The following NR2F1-AS1 variants were observed in gnomAD, a reference collection of about 807,000 sequenced individuals.
The protein encoded by NR2F1-AS1 is NR2F1 regulatory antisense RNA 1, also known as NR2F1 antisense RNA 1.
intron 4 of NR2F1-AS1, among the ~76,000 whole-genome samples, chr5:93,482,779 C>T (rs1357390642): frequency 1.3e-5 from 2 of 152,184 alleles, no homozygotes; most frequent in Non-Finnish European, 2.9e-5. Context: ...GAGGCGTCCA[C>T]CATTACTGAG....
chr5:93,572,333 A>T (rs769186700), intron 1 of NR2F1-AS1, among the ~76,000 whole-genome samples: 5 of 152,158 alleles, frequency 3.3e-5, no homozygotes, highest in Non-Finnish European at 7.4e-5. Context: ...GGGTCTCTCT[A>T]GTCAAGGAGG....
intron 4 of NR2F1-AS1, among the ~76,000 whole-genome samples, chr5:93,521,809 C>T (rs1211413574): frequency 6.6e-6 from 1 of 152,074 alleles, no homozygotes; most frequent in Non-Finnish European, 1.5e-5. Flanking sequence ...ATGGCGATTC[C>T]TCAAACAGCT....
intron 4 of NR2F1-AS1, among the ~76,000 whole-genome samples, chr5:93,425,719 T>C (rs1749181453): frequency 6.6e-6 from 1 of 152,188 alleles, no homozygotes. Flanking sequence ...CCCTGACACC[T>C]TCCCTCAAGG....
At chr5:93,444,483 T>C (rs1485096145) in intron 4 of NR2F1-AS1, among the ~76,000 whole-genome samples, 1 of 152,128 alleles carries the variant, frequency 6.6e-6, no homozygotes, top group East Asian at 1.9e-4. Context: ...AGGGATCAAT[T>C]CGACAAGAAG....
chr5:93,553,024 A>C (rs1752268808), intron 4 of NR2F1-AS1, among the ~76,000 whole-genome samples: 2 of 152,272 alleles, frequency 1.3e-5, no homozygotes, highest in Non-Finnish European at 1.5e-5. Context: ...GGAATAGCAA[A>C]CTTGCAACAA....
At chr5:93,514,881 A>G (rs1281796243) in intron 4 of NR2F1-AS1, among the ~76,000 whole-genome samples, 1 of 152,078 alleles carries the variant, frequency 6.6e-6, no homozygotes, top group Non-Finnish European at 1.5e-5. Flanking sequence ...TCTGTGATTC[A>G]AACAGTATAA....
intron 4 of NR2F1-AS1, among the ~76,000 whole-genome samples, chr5:93,513,896 T>C (rs145223876): frequency 5.3e-5 from 8 of 152,244 alleles, no homozygotes; most frequent in South Asian, 4.1e-4. Context: ...ACATAAGTAC[T>C]ATTTTTAGCA....
intron 4 of NR2F1-AS1, among the ~76,000 whole-genome samples, chr5:93,429,883 C>T (rs766044350): frequency 2.0e-5 from 3 of 152,176 alleles, no homozygotes; most frequent in African/African-American, 4.8e-5. Flanking sequence ...TACAGTTACA[C>T]ATATTGTACA....
upstream of NR2F1-AS1, chr5:93,584,830 A>G (rs1203962595): frequency 6.4e-5 from 10 of 156,478 alleles, no homozygotes; most frequent in South Asian, 1.0e-3. Context: ...TAGCGGCGGC[A>G]GCGGCGGCGG....
chr5:93,563,824 C>A (rs982694039), intron 1 of NR2F1-AS1, among the ~76,000 whole-genome samples: 1 of 151,884 alleles, frequency 6.6e-6, no homozygotes. Context: ...ACTACCAGGC[C>A]GGGTGCAGTG....
At chr5:93,437,922 G>A (rs1749477934) in intron 4 of NR2F1-AS1, among the ~76,000 whole-genome samples, 1 of 152,058 alleles carries the variant, frequency 6.6e-6, no homozygotes, top group South Asian at 2.1e-4. Context: ...GTCCAAAATG[G>A]AAAGCATTCT....
chr5:93,557,592 G>T (rs1446882384), intron 2 of NR2F1-AS1, among the ~76,000 whole-genome samples: 1 of 152,108 alleles, frequency 6.6e-6, no homozygotes, highest in Non-Finnish European at 1.5e-5. Context: ...AAAAAAATGT[G>T]AATGATCATC....
rs549430518 is a variant in NR2F1-AS1 at position 93,525,004 on chromosome 5, A to G, written n.638+28757T>C. ...AACGACAGGATCAAATTCACATATA[A>G]TAACAAGGTTAACCTTAAATGTAAA... On this transcript the variant is annotated intron_variant and non_coding_transcript_variant, in intron 4 of 5. Transcript: ENST00000660523. Among the ~76,000 whole-genome samples, 3 of 152,324 alleles carry G rather than the reference A, an allele frequency of 2.0e-5. No homozygotes were observed. In the East Asian group the frequency reaches 5.8e-4, roughly 29 times the overall value.
intron 1 of NR2F1-AS1, among the ~76,000 whole-genome samples, chr5:93,566,372 T>C (rs986770123): frequency 6.6e-5 from 10 of 152,016 alleles, no homozygotes; most frequent in African/African-American, 1.2e-4. Context: ...ATGACAATAT[T>C]AGTTTTTACT....
intron 4 of NR2F1-AS1, among the ~76,000 whole-genome samples, chr5:93,486,760 T>A (rs1045629929): frequency 1.3e-5 from 2 of 152,188 alleles, no homozygotes; most frequent in Non-Finnish European, 2.9e-5. Context: ...GCCAGCATCA[T>A]CCTGATACCA....
intron 4 of NR2F1-AS1, among the ~76,000 whole-genome samples, chr5:93,492,052 T>C (rs1580273241): frequency 1.3e-5 from 2 of 152,130 alleles, no homozygotes; most frequent in East Asian, 3.8e-4. Context: ...AACAAACTTT[T>C]AGCCCCACTG....
intron 4 of NR2F1-AS1, among the ~76,000 whole-genome samples, chr5:93,431,056 C>A (rs1349971540): frequency 6.6e-6 from 1 of 152,118 alleles, no homozygotes; most frequent in African/African-American, 2.4e-5. Flanking sequence ...TTGAAAAAGC[C>A]TTGAGCATTT....
chr5:93,553,198 C>T (rs892964713), intron 4 of NR2F1-AS1, among the ~76,000 whole-genome samples: 2 of 148,116 alleles, frequency 1.4e-5, no homozygotes, highest in Non-Finnish European at 3.0e-5. Context: ...GGCGTGATCT[C>T]ACCTCACTGC....
At chr5:93,531,174 C>T (rs1751728655) in intron 4 of NR2F1-AS1, among the ~76,000 whole-genome samples, 1 of 152,070 alleles carries the variant, frequency 6.6e-6, no homozygotes, top group Admixed American at 6.6e-5. Context: ...TCAAGAAATT[C>T]AAGGAAAGGA....
Sources: gnomAD v4.1 joint callset for allele counts (sites outside exome capture counted in the v4.1 genomes callset) on GRCh38, gnomAD v4.1.1 for gene constraint, MANE v1.5 for transcripts, NCBI Gene and HGNC (gene_info 2026-07-23, HGNC 2026-07-21) for gene names.